The following KIFAP3 variants were observed in gnomAD, a reference collection of about 807,000 sequenced individuals.
The protein encoded by KIFAP3 is kinesin-associated protein 3.
KIFAP3 carries 68 observed loss-of-function variants against 106.5 expected under a neutral mutation model. The ratio of observed to expected loss-of-function variants is 0.64; its 90% CI spans 0.53 to 0.78. The LOEUF is 0.78. Among genes scored for constraint, KIFAP3 ranks in the 30% least tolerant of loss-of-function variants. KIFAP3 has a pLI of 0.00. For synonymous variants in KIFAP3, 320 were observed against 311.5 expected (o/e 1.03, Z -0.29); for missense variants, 780 against 941.8 (o/e 0.83, Z 2.25).
At chr1:169,947,390 T>C (rs1664493771) in intron 19 of KIFAP3, among the ~76,000 whole-genome samples, 1 of 151,908 alleles carries the variant, frequency 6.6e-6, no homozygotes, top group Non-Finnish European at 1.5e-5. Context: ...GAGGTTCTAC[T>C]GCGTATGTTT....
At position 170,046,818 on chromosome 1, in the gene KIFAP3, T is replaced by C. The variant is rs544453380; in HGVS notation, c.213A>G (p.Ala71=). ...GTTTACATTCTTCAACCACCTTCCT[T>C]GCCAGGGAAGTTATATCTGTGTTGG... The part of the protein sequence containing the change: ...LNANTDITSL[A]RKVVEECKLI... The change falls in exon 3 of 20, where the codon GCA becomes GCG. Residue 71 remains alanine, a synonymous_variant. Transcript: ENST00000361580. 5.6e-6 allele frequency: 9 copies of C among 1,611,060 alleles called. No individual in the cohort carries two copies. The South Asian group carries it at 7.7e-5, about 14-fold the overall frequency.
At chr1:170,012,488 C>T (rs916173287) in intron 10 of KIFAP3, among the ~76,000 whole-genome samples, 12 of 151,980 alleles carry the variant, frequency 7.9e-5, no homozygotes, top group Admixed American at 2.6e-4. Context: ...TTTAAAATTA[C>T]GTTCAAGATA....
chr1:170,073,254 T>C (rs1671783746), intron 1 of KIFAP3, among the ~76,000 whole-genome samples: 1 of 152,230 alleles, frequency 6.6e-6, no homozygotes, highest in South Asian at 2.1e-4. Flanking sequence ...TATATATTCA[T>C]TTAAAAATTT....
chr1:170,029,650 G>A (rs2102037514), intron 8 of KIFAP3, among the ~76,000 whole-genome samples: 1 of 151,416 alleles, frequency 6.6e-6, no homozygotes, highest in South Asian at 2.1e-4. Flanking sequence ...GTAAGCTGAA[G>A]AAAAAAAATT....
chr1:169,933,549 G>A (rs1464492762), intron 19 of KIFAP3, among the ~76,000 whole-genome samples: 2 of 151,938 alleles, frequency 1.3e-5, no homozygotes, highest in Non-Finnish European at 2.9e-5. Context: ...TCAAAGAATA[G>A]GGCTAAGCAT....
Position 169,953,962 on chromosome 1 carries a change from CA to C in KIFAP3, c.2273+48del, listed in dbSNP as rs140771055. The C allele has an allele frequency of 7.2e-3, 9,570 of 1,333,120 alleles. 379 individuals carry two copies. In the South Asian group the frequency reaches 0.077, roughly 11 times the overall value. The allele number at this position is 1,333,120 out of a possible 1,614,324, so 82.6% of individuals were successfully genotyped here. ...GAGAGTGAAGAGGATTTTAGCTTTCCAAAAGCAACAGATACTACACATTAGA... is the reference window on the plus strand; with the variant it reads ...GAGAGTGAAGAGGATTTTAGCTTTCCAAAGCAACAGATACTACACATTAGA... On this transcript the variant is annotated intron_variant, in intron 19 of 19. Transcript: ENST00000361580.
At chr1:169,981,050 G>A (rs923635473) in intron 15 of KIFAP3, among the ~76,000 whole-genome samples, 4 of 152,120 alleles carry the variant, frequency 2.6e-5, no homozygotes, top group East Asian at 1.9e-4. Flanking sequence ...GTGGTGAGCC[G>A]AGATCATGCC....
chr1:169,978,079 G>A lies in KIFAP3; in HGVS notation c.1897+6C>T, dbSNP rs781161077. The A allele has an allele frequency of 3.2e-6, 5 of 1,551,180 alleles. No individual in the cohort carries two copies. Among genetic ancestry groups the A allele is most frequent in the Non-Finnish European group, 4.4e-6 (5 of 1,124,350 alleles). On this transcript the variant is annotated splice_donor_region_variant and intron_variant, in intron 16 of 19. Coordinates refer to ENST00000361580, the MANE Select transcript of KIFAP3 (RefSeq NM_014970.4). The stretch of plus-strand genomic sequence containing the variant: ...TTGTTATCTACGGTAAACACTGAAA[G>A]GATACGTGTTTCCTTGATTATGACG...
At chr1:169,955,967 G>A (rs915708939) in intron 18 of KIFAP3, among the ~76,000 whole-genome samples, 5 of 152,040 alleles carry the variant, frequency 3.3e-5, no homozygotes, top group Non-Finnish European at 5.9e-5. Flanking sequence ...ATGGATTCTA[G>A]CCATATAAAA....
rs966632859 is a variant in KIFAP3, at chr1:170,016,722, C to G, written c.1021-98G>C. ...TCTTTGTTTTTACCCTAATGTATAT[C>G]TGTTTTATAATTATATGTTAATCTT... On this transcript the variant is annotated intron_variant, in intron 9 of 19. Transcript: ENST00000361580. 4.4e-6 allele frequency: 3 copies of G among 681,454 alleles called. No homozygotes were observed. In the African/African-American group the frequency reaches 5.7e-5, roughly 13 times the overall value. The allele number at this position is 681,454 out of a possible 1,614,324, so 42.2% of individuals were successfully genotyped here.
chr1:170,076,708 C>T (rs1189369864), upstream of KIFAP3, among the ~76,000 whole-genome samples: 2 of 152,156 alleles, frequency 1.3e-5, no homozygotes, highest in South Asian at 4.2e-4. Context: ...CAGAAAATAC[C>T]TGGTAGGAAT....
chr1:169,943,679 A>G (rs1272863651), intron 19 of KIFAP3, among the ~76,000 whole-genome samples: 2 of 152,190 alleles, frequency 1.3e-5, no homozygotes, highest in Non-Finnish European at 2.9e-5. Context: ...CAAATATGTC[A>G]TAAGAACCGT....
intron 19 of KIFAP3, among the ~76,000 whole-genome samples, chr1:169,945,719 C>A (rs561342906): frequency 6.6e-6 from 1 of 152,072 alleles, no homozygotes; most frequent in Non-Finnish European, 1.5e-5. Context: ...CAAAAGAAAG[C>A]GAATCACTTG....
At chr1:170,068,483 C>T (rs12146137) in intron 1 of KIFAP3, 27,652 of 151,716 alleles carry the variant, frequency 0.18, 2,568 homozygotes, top group Admixed American at 0.23. Context: ...AGAAAAGAAT[C>T]AGCAAACTTG....
intron 7 of KIFAP3, chr1:170,032,202 A>C (rs961081358): frequency 4.8e-5 from 20 of 419,190 alleles, no homozygotes; most frequent in African/African-American, 2.0e-5. Flanking sequence ...TGGGTGAACA[A>C]ACTTTTTTAT....
chr1:169,936,391 G>T (rs2806386), intron 19 of KIFAP3, among the ~76,000 whole-genome samples: 37,890 of 151,518 alleles, frequency 0.25, 5,810 homozygotes, highest in East Asian at 0.48. Flanking sequence ...TTCTAAAGAG[G>T]CAATATCTCT....
intron 1 of KIFAP3, among the ~76,000 whole-genome samples, chr1:170,084,373 A>C (rs1043680210): frequency 6.6e-6 from 1 of 152,260 alleles, no homozygotes; most frequent in African/African-American, 2.4e-5. Flanking sequence ...ATCACAGTGC[A>C]TGGCACGTAG....
At chr1:169,990,549 AT>A (rs1265417668) in intron 11 of KIFAP3, among the ~76,000 whole-genome samples, 1 of 152,204 alleles carries the variant, frequency 6.6e-6, no homozygotes, top group African/African-American at 2.4e-5. Flanking sequence ...TTTATAAAAA[AT>A]AATGTAATAT....
intron 3 of KIFAP3, 29 bp from the exon 4 acceptor site, chr1:170,039,317 G>T (rs1026041465): frequency 5.2e-6 from 7 of 1,350,496 alleles, no homozygotes; most frequent in Admixed American, 1.8e-5. Flanking sequence ...TTAATAAGGA[G>T]ACTTAGGTTT....
Sources: gnomAD v4.1 joint callset for allele counts (sites outside exome capture counted in the v4.1 genomes callset) on GRCh38, gnomAD v4.1.1 for gene constraint, MANE v1.5 for transcripts, NCBI Gene and HGNC (gene_info 2026-07-23, HGNC 2026-07-21) for gene names.